The following EPHX3 variants were observed in gnomAD, a reference collection of about 807,000 sequenced individuals.
EPHX3 encodes abhydrolase domain containing 9.
In EPHX3, 39 loss-of-function variants were observed where a neutral mutation model predicts 40.2. The observed-to-expected ratio is 0.97, with a 90% CI of 0.75 to 1.27. EPHX3 has a LOEUF of 1.27. Ranked by LOEUF, EPHX3 falls within the 50% of genes most tolerant of loss-of-function variation. The pLI, the probability that EPHX3 is intolerant of heterozygous loss-of-function variation, is 0.00. For synonymous variants in EPHX3, 213 were observed against 209.7 expected, an observed-to-expected ratio of 1.02 and a Z score of -0.14; for missense variants, 442 against 474.0, an observed-to-expected ratio of 0.93 and a Z score of 0.63.
In EPHX3 at chr19:15,228,042, C is replaced by G. The variant is rs780876864; in HGVS notation, c.675G>C (p.Gln225His). The change falls in exon 5 of 7, where the codon CAG becomes CAC. Residue 225 changes from glutamine to histidine, a missense_variant. Coordinates refer to ENST00000221730, the MANE Select transcript of EPHX3 (RefSeq NM_024794.3). ...FFRSHYMFLFQLPWLPEKLLS... is the reference protein window; with the variant it reads ...FFRSHYMFLFHLPWLPEKLLS... ...GCAGCTTCTCGGGCAGCCAGGGCAG[C>G]TGGAACAGGAACATGTAGTGGGAAC... 6.7e-7 allele frequency: 1 copy of G among 1,488,500 alleles called. No individual in the cohort carries two copies. The highest frequency in any genetic ancestry group is 9.1e-7 in the Non-Finnish European group (1 of 1,099,402). 92.2% of individuals were successfully genotyped at this position (1,488,500 alleles called of 1,614,324 possible). A position where few individuals can be genotyped will look rare whatever the true frequency, so the allele number is the denominator to read the frequency against.
chr19:15,230,860 C>A, intron 4 of EPHX3, 102 bp downstream of exon 4: 1 of 1,498,744 alleles, frequency 6.7e-7, no homozygotes, highest in Non-Finnish European at 9.0e-7. Context: ...CACCCTCAGC[C>A]CCTGATGTGT....
chr19:15,236,500 G>C (rs939874124), upstream of EPHX3: 1 of 151,302 alleles, frequency 6.6e-6, no homozygotes, highest in Non-Finnish European at 1.5e-5. Context: ...CCTTTGGTGA[G>C]TGGGGGGACA....
chr19:15,228,949 G>A (rs1390450504), intron 4 of EPHX3, among the ~76,000 whole-genome samples: 1 of 150,992 alleles, frequency 6.6e-6, no homozygotes, highest in Admixed American at 6.6e-5. Flanking sequence ...TGCAATTACA[G>A]CACTGCACTC....
upstream of EPHX3, chr19:15,235,633 A>G (rs989606776): frequency 2.0e-5 from 3 of 152,160 alleles, no homozygotes; most frequent in African/African-American, 7.2e-5. Flanking sequence ...AAATGTCTAA[A>G]GTGTTTAATA....
chr19:15,232,028 C>G lies in EPHX3; in HGVS notation c.184G>C (p.Ala62Pro), dbSNP rs745541764. ...GGGTCGCTCAGGCAGGCGGGGGACGCGCTCCGACGGCGCCCGCAGCAGCCG... is the reference window on the plus strand; with the variant it reads ...GGGTCGCTCAGGCAGGCGGGGGACGGGCTCCGACGGCGCCCGCAGCAGCCG... Reference protein sequence around the residue: ...RRGCCGRRRSASPACLSDPSL... With the variant: ...RRGCCGRRRSPSPACLSDPSL... The change falls in exon 1 of 7, where the codon GCG (alanine) becomes CCG (proline). Residue 62 changes from alanine (A) to proline (P), a missense_variant. By Grantham distance (27) the Ala-to-Pro change is conservative. Coordinates refer to ENST00000221730, the MANE Select transcript of EPHX3 (RefSeq NM_024794.3). The G allele has an allele frequency of 6.3e-7, 1 of 1,593,432 alleles. No individual in the cohort carries two copies. The highest frequency in any genetic ancestry group is 8.5e-7 in the Non-Finnish European group (1 of 1,175,300).
chr19:15,228,104 G>T lies in EPHX3; in HGVS notation c.617-4C>A. The T allele has an allele frequency of 6.3e-7, 1 of 1,590,510 alleles. No homozygotes were observed. The highest frequency in any genetic ancestry group is 1.1e-5 in the South Asian group (1 of 89,746). The stretch of plus-strand genomic sequence containing the variant: ...CTGATGTGGTGCAGGGAATAGTCTG[G>T]GGTGGGAGGGTTGGGGGAGAGATAT... On this transcript the variant is annotated splice_polypyrimidine_tract_variant and splice_region_variant and intron_variant, in intron 4 of 6. Transcript: ENST00000221730.
rs1164467205 is a variant in EPHX3, at chr19:15,231,300, A to T, written c.426T>A (p.Asp142Glu). 1.2e-6 allele frequency: 2 copies of T among 1,613,856 alleles called. No homozygotes were observed. Among genetic ancestry groups the T allele is most frequent in the Admixed American group, 1.7e-5 (1 of 59,984 alleles). The change falls in exon 3 of 7, where the codon GAT (aspartate) becomes GAA (glutamate). Residue 142 changes from aspartate to glutamate, a missense_variant. Transcript: ENST00000221730. The stretch of plus-strand genomic sequence containing the variant: ...GCAGGTCGATTGTGTAGCAGTCCAC[A>T]TCCCGAGGTGCATCCGAGGGGCCAT... ...RGYGPSDAPR[D>E]VDCYTIDLLL...
At position 15,231,759 on chromosome 19, in the gene EPHX3, C is replaced by T; in HGVS notation, c.329+17G>A. The T allele has an allele frequency of 6.2e-7, 1 of 1,613,674 alleles. No homozygotes were observed. The highest frequency in any genetic ancestry group is 8.5e-7 in the Non-Finnish European group (1 of 1,179,868). ...CCCCGAGTCCCGTGGGCCTCAGGCC[C>T]CTGGCCCCAGACGTACCAGTTCTCA... is the stretch of plus-strand genomic sequence containing the variant. On this transcript the variant is annotated intron_variant, in intron 2 of 6. Coordinates refer to ENST00000221730, the MANE Select transcript of EPHX3 (RefSeq NM_024794.3).
chr19:15,232,528 TA>T, upstream of EPHX3: 1 of 927,682 alleles, frequency 1.1e-6, no homozygotes, highest in Non-Finnish European at 1.4e-6. Flanking sequence ...GTGCGGGGCT[TA>T]GGGCCGGGGC....
intron 5 of EPHX3, 24 bp from the exon 6 acceptor site, chr19:15,227,931 C>A (rs749814519): frequency 1.4e-5 from 23 of 1,613,894 alleles, no homozygotes; most frequent in Non-Finnish European, 8.5e-7. Flanking sequence ...AGGACTCTGG[C>A]TTCAGTGCCC....
Position 15,227,610 on chromosome 19 carries a change from C to A in EPHX3, c.910G>T (p.Gly304Trp). The change falls in exon 7 of 7, where the codon GGG becomes TGG. Residue 304 changes from glycine (G) to tryptophan (W), a missense_variant. Transcript: ENST00000221730. The stretch of plus-strand genomic sequence containing the variant: ...AGCTCCAAGTAAGTGTCCTTCTCCC[C>A]CCACAGCAGCAATGTGGGTGTGGTC... Reference protein sequence around the residue: ...ELTTPTLLLWGEKDTYLELGL... With the variant: ...ELTTPTLLLWWEKDTYLELGL... 2 of 1,614,136 alleles carry A rather than the reference C, an allele frequency of 1.2e-6. No individual in the cohort carries two copies. Among genetic ancestry groups the A allele is most frequent in the Non-Finnish European group, 1.7e-6 (2 of 1,180,040 alleles).
chr19:15,228,148 G>A, intron 4 of EPHX3, 48 bp from the exon 5 acceptor site: 1 of 1,458,104 alleles, frequency 6.9e-7, no homozygotes, highest in Non-Finnish European at 9.4e-7. Flanking sequence ...CTCCTGGGGT[G>A]GCCCCATACA....
upstream of EPHX3, chr19:15,235,580 A>C (rs2047186700): frequency 6.6e-6 from 1 of 152,134 alleles, no homozygotes; most frequent in Non-Finnish European, 1.5e-5. Context: ...AAAAAAAAAA[A>C]ACCTTTCGTA....
chr19:15,228,897 G>T (rs1421295544), intron 4 of EPHX3, among the ~76,000 whole-genome samples: 1 of 152,022 alleles, frequency 6.6e-6, no homozygotes, highest in Non-Finnish European at 1.5e-5. Context: ...AAGCAGAAGT[G>T]GGAGGATCGC....
upstream of EPHX3, chr19:15,235,450 A>AC (rs886522985): frequency 6.8e-6 from 1 of 146,466 alleles, no homozygotes; most frequent in African/African-American, 2.5e-5. Context: ...CACATCACTG[A>AC]CCCCCCGCCC....
chr19:15,234,020 A>G (rs917153557), upstream of EPHX3, among the ~76,000 whole-genome samples: 1 of 151,384 alleles, frequency 6.6e-6, no homozygotes, highest in Non-Finnish European at 1.5e-5. Context: ...AGATTGCGCC[A>G]CTGCACTCCA....
At chr19:15,233,448 G>A, upstream of EPHX3, 1 of 152,510 alleles carries the variant, frequency 6.6e-6, no homozygotes, top group Non-Finnish European at 1.5e-5. Flanking sequence ...AGCGGCCTCG[G>A]CCCGGCGCCG....
At chr19:15,231,916 C>G in intron 1 of EPHX3, 53 bp downstream of exon 1, 1 of 1,612,696 alleles carries the variant, frequency 6.2e-7, no homozygotes, top group Non-Finnish European at 8.5e-7. Context: ...GAGGCTTGAA[C>G]CGTCTCGACC....
chr19:15,231,409 C>T lies in EPHX3; in HGVS notation c.330-13G>A, dbSNP rs753680965. On this transcript the variant is annotated splice_polypyrimidine_tract_variant and intron_variant, in intron 2 of 6. Transcript: ENST00000221730. ...ACGCCAGGAGAACCTGCCAGGCGGG[C>T]GAGGGAGGGAGGCTGAGTCAGGGCC... 4.8e-5 allele frequency: 77 copies of T among 1,612,236 alleles called. No homozygotes were observed. Among genetic ancestry groups the T allele is most frequent in the Non-Finnish European group, 6.1e-5 (72 of 1,179,518 alleles).
Sources: allele counts gnomAD v4.1 joint callset (sites outside exome capture counted in the v4.1 genomes callset), GRCh38; gene constraint gnomAD v4.1.1; transcripts MANE v1.5; gene names NCBI Gene and HGNC (gene_info 2026-07-23, HGNC 2026-07-21).